The following RUNDC3B variants were observed in gnomAD, a reference collection of about 807,000 sequenced individuals.
RUNDC3B encodes RUN domain containing 3B, also known as RUN domain-containing protein 3B.
A neutral mutation model predicts 58.4 loss-of-function variants in RUNDC3B; 33 were observed. That is an observed-to-expected ratio of 0.56 (90% CI 0.43 to 0.75). RUNDC3B has a LOEUF of 0.75. Among genes scored for constraint, RUNDC3B ranks in the 30% least tolerant of loss-of-function variants. RUNDC3B has a pLI of 0.00. For missense variants in RUNDC3B, 501 were observed against 535.7 expected, an observed-to-expected ratio of 0.94 and a Z score of 0.64; for synonymous variants, 193 against 195.2, an observed-to-expected ratio of 0.99 and a Z score of 0.10.
Position 87,710,553 on chromosome 7 carries a change from TTTC to T in RUNDC3B, c.373-10_373-8del. On this transcript the variant is annotated splice_polypyrimidine_tract_variant and intron_variant, in intron 3 of 10. Coordinates refer to ENST00000394654, the MANE Select transcript of RUNDC3B (RefSeq NM_001134405.2). The stretch of plus-strand genomic sequence containing the variant: ...TTTTAATTTTTTTTATATTTGATTC[TTTC>T]TTCTTCCTTTTAGGGTAGAGCCTGG... The T allele has an allele frequency of 2.7e-6, 4 of 1,464,174 alleles. No homozygotes were observed. The highest frequency in any genetic ancestry group is 3.7e-6 in the Non-Finnish European group (4 of 1,072,062). The allele number at this position is 1,464,174 out of a possible 1,614,324, so 90.7% of individuals were successfully genotyped here.
chr7:87,741,119 C>T (rs1280129707), intron 5 of RUNDC3B, among the ~76,000 whole-genome samples: 5 of 151,442 alleles, frequency 3.3e-5, no homozygotes, highest in Non-Finnish European at 7.4e-5. Flanking sequence ...GCAGGAGAAT[C>T]GCTGGAACCC....
At position 87,777,786 on chromosome 7, in the gene RUNDC3B, C is replaced by T; in HGVS notation, c.799-12C>T. ...TTGCAGTTTCTATATCTTGATGATA[C>T]TGGATTTCCAGGGTTACCTTGAAGA... On this transcript the variant is annotated splice_polypyrimidine_tract_variant and intron_variant, in intron 7 of 10. Coordinates refer to ENST00000394654, the MANE Select transcript of RUNDC3B (RefSeq NM_001134405.2). The T allele has an allele frequency of 6.2e-7, 1 of 1,612,354 alleles. No individual in the cohort carries two copies. The highest frequency in any genetic ancestry group is 8.5e-7 in the Non-Finnish European group (1 of 1,179,048).
intron 1 of RUNDC3B, among the ~76,000 whole-genome samples, chr7:87,629,938 A>G (rs1437254825): frequency 6.6e-6 from 1 of 151,858 alleles, no homozygotes; most frequent in African/African-American, 2.4e-5. Context: ...AAAAAAAAGA[A>G]CTATTTATAG....
In RUNDC3B at chr7:87,628,924, G is replaced by A; in HGVS notation, c.101G>A (p.Arg34Lys). 7.6e-7 allele frequency: 1 copy of A among 1,310,092 alleles called. No homozygotes were observed. 81.2% of individuals were successfully genotyped at this position (1,310,092 alleles called of 1,614,324 possible). ...GCCCGCAATGCTGCGGTGGAGAGGA[G>A]GAACCTGATCACCGTGTGCAGGTAC... Reference protein sequence around the residue: ...LSARNAAVERRNLITVCRFSV... With the variant: ...LSARNAAVERKNLITVCRFSV... Residue 34 changes from arginine to lysine, a missense_variant, in exon 1 of 11, where the codon AGG becomes AAG. Arg to Lys is a conservative substitution (Grantham distance 26). Transcript: ENST00000394654.
chr7:87,807,837 A>G (rs533748498), intron 9 of RUNDC3B, among the ~76,000 whole-genome samples: 80 of 152,294 alleles, frequency 5.3e-4, no homozygotes, highest in African/African-American at 1.9e-3. Context: ...CCCACTTGTC[A>G]TAAAACACAA....
At chr7:87,756,067 A>C (rs1833354034) in intron 6 of RUNDC3B, among the ~76,000 whole-genome samples, 1 of 152,144 alleles carries the variant, frequency 6.6e-6, no homozygotes, top group Non-Finnish European at 1.5e-5. Flanking sequence ...AGGGCAGGGC[A>C]GGATTATAAC....
intron 8 of RUNDC3B, among the ~76,000 whole-genome samples, chr7:87,782,855 A>G (rs1296963821): frequency 6.6e-6 from 1 of 152,062 alleles, no homozygotes; most frequent in Non-Finnish European, 1.5e-5. Context: ...AGGTTTTTAG[A>G]AATTTGTTTG....
intron 10 of RUNDC3B, among the ~76,000 whole-genome samples, chr7:87,826,701 C>T (rs763388444): frequency 2.6e-5 from 4 of 152,022 alleles, no homozygotes; most frequent in Non-Finnish European, 5.9e-5. Flanking sequence ...CATTCAAGAA[C>T]AACGTTTGGA....
At chr7:87,686,323 A>G (rs149810226) in intron 2 of RUNDC3B, among the ~76,000 whole-genome samples, 2,366 of 152,330 alleles carry the variant, frequency 0.016, 40 homozygotes, top group South Asian at 0.023. Flanking sequence ...AATTGTGTGT[A>G]CTAATGTCAT....
intron 6 of RUNDC3B, among the ~76,000 whole-genome samples, chr7:87,760,320 G>A (rs1833607054): frequency 6.6e-6 from 1 of 151,756 alleles, no homozygotes; most frequent in Non-Finnish European, 1.5e-5. Flanking sequence ...CATTGTTTAG[G>A]GAAATTGAAG....
chr7:87,792,956 A>C (rs1164826206), intron 8 of RUNDC3B, among the ~76,000 whole-genome samples: 1 of 152,054 alleles, frequency 6.6e-6, no homozygotes, highest in African/African-American at 2.4e-5. Flanking sequence ...TTGCCGGACT[A>C]ATGAAGAAAA....
At chr7:87,749,934 T>A (rs1397533130) in intron 6 of RUNDC3B, among the ~76,000 whole-genome samples, 2 of 152,074 alleles carry the variant, frequency 1.3e-5, no homozygotes, top group Non-Finnish European at 2.9e-5. Context: ...ATGTGCAGGT[T>A]ACTTACATAT....
intron 8 of RUNDC3B, among the ~76,000 whole-genome samples, chr7:87,785,146 T>A (rs1451804130): frequency 6.6e-6 from 1 of 151,890 alleles, no homozygotes; most frequent in Non-Finnish European, 1.5e-5. Context: ...CCCAAACAGA[T>A]CTCCCTCCAG....
chr7:87,729,663 T>G (rs1447484356), intron 4 of RUNDC3B, among the ~76,000 whole-genome samples: 1 of 152,196 alleles, frequency 6.6e-6, no homozygotes, highest in Middle Eastern at 3.2e-3. Context: ...GAGACTTCAA[T>G]TCCTGGACAA....
chr7:87,759,121 G>A (rs1323031395), intron 6 of RUNDC3B, among the ~76,000 whole-genome samples: 1 of 152,102 alleles, frequency 6.6e-6, no homozygotes, highest in Non-Finnish European at 1.5e-5. Context: ...ATAAAATGTG[G>A]TATATATACA....
chr7:87,716,475 A>G (rs183262551), intron 4 of RUNDC3B, among the ~76,000 whole-genome samples: 4 of 152,294 alleles, frequency 2.6e-5, no homozygotes, highest in Admixed American at 2.6e-4. Flanking sequence ...AAATGTCTCC[A>G]TTGCACCATA....
chr7:87,794,467 A>G (rs144302950), intron 8 of RUNDC3B, among the ~76,000 whole-genome samples: 93 of 152,188 alleles, frequency 6.1e-4, no homozygotes, highest in South Asian at 5.0e-3. Flanking sequence ...CCTGTAAAAC[A>G]CTAATGAAAG....
intron 9 of RUNDC3B, among the ~76,000 whole-genome samples, chr7:87,815,330 T>C (rs1047593640): frequency 2.6e-5 from 4 of 152,120 alleles, no homozygotes; most frequent in African/African-American, 4.8e-5. Context: ...GAAATAGATA[T>C]TGAGGCTGAA....
chr7:87,634,638 G>GA (rs920354293), intron 1 of RUNDC3B, among the ~76,000 whole-genome samples: 53 of 144,082 alleles, frequency 3.7e-4, no homozygotes, highest in African/African-American at 9.7e-4. Context: ...AAAAAAAAAA[G>GA]AAAAAAAAAA....
Sources: gnomAD v4.1 joint callset for allele counts (sites outside exome capture counted in the v4.1 genomes callset) on GRCh38, gnomAD v4.1.1 for gene constraint, MANE v1.5 for transcripts, NCBI Gene and HGNC (gene_info 2026-07-23, HGNC 2026-07-21) for gene names.